The following SLC14A2 variants were observed in gnomAD, a reference collection of about 807,000 sequenced individuals.
SLC14A2 encodes the protein solute carrier family 14 member 2.
SLC14A2 carries 91 observed loss-of-function variants against 104.6 expected under a neutral mutation model. That is an observed-to-expected ratio of 0.87 (90% CI 0.73 to 1.04). The LOEUF is 1.04. Among genes scored for constraint, SLC14A2 ranks in the 50% least tolerant of loss-of-function variants. The pLI is 0.00. For synonymous variants in SLC14A2, 476 were observed against 466.4 expected (o/e 1.02, Z -0.27); for missense variants, 1,189 against 1,156.0 (o/e 1.03, Z -0.41).
chr18:45,364,815 C>T (rs1456230367), intron 1 of SLC14A2, among the ~76,000 whole-genome samples: 1 of 152,108 alleles, frequency 6.6e-6, no homozygotes, highest in Admixed American at 6.5e-5. Flanking sequence ...AATGGGTTCT[C>T]TTTTACAAGC....
intron 2 of SLC14A2, among the ~76,000 whole-genome samples, chr18:45,501,836 C>G (rs923299611): frequency 6.6e-6 from 1 of 152,200 alleles, no homozygotes; most frequent in African/African-American, 2.4e-5. Context: ...GAAAAAATCA[C>G]TCATGAAGGA....
At chr18:45,663,622 A>C (rs2045965639) in intron 10 of SLC14A2, among the ~76,000 whole-genome samples, 163 bp from the exon 11 acceptor site, 1 of 152,198 alleles carries the variant, frequency 6.6e-6, no homozygotes, top group Non-Finnish European at 1.5e-5. Flanking sequence ...GAAATAGAGA[A>C]GCTAAGTGTT....
intron 2 of SLC14A2, among the ~76,000 whole-genome samples, chr18:45,507,983 G>T (rs1000587982): frequency 4.6e-5 from 7 of 152,194 alleles, no homozygotes; most frequent in Non-Finnish European, 7.3e-5. Context: ...AGCCTGCCAG[G>T]TACCACTCCA....
chr18:45,583,213 A>T lies in SLC14A2; in HGVS notation c.-34-41418A>T, dbSNP rs571857816. On this transcript the variant is annotated intron_variant, in intron 2 of 20. Transcript: ENST00000586448. ...ACAGGATGCCCTATTCCTACCTCCC[A>T]GGCCATGGCAACTCCAAGCCACTTG... Among the ~76,000 whole-genome samples, 4 of 152,280 alleles carry T rather than the reference A, an allele frequency of 2.6e-5. No homozygotes were observed. In the South Asian group the frequency reaches 8.3e-4, roughly 32 times the overall value.
chr18:45,530,433 CTG>C (rs1012386172), intron 2 of SLC14A2, among the ~76,000 whole-genome samples: 2 of 152,082 alleles, frequency 1.3e-5, no homozygotes, highest in African/African-American at 4.8e-5. Context: ...CCTTGTATTT[CTG>C]TGTTTTTGTG....
At chr18:45,358,840 A>G (rs1258462695) in intron 1 of SLC14A2, among the ~76,000 whole-genome samples, 2 of 151,962 alleles carry the variant, frequency 1.3e-5, no homozygotes, top group Non-Finnish European at 2.9e-5. Context: ...TCTCCCACAA[A>G]GTGCTGGGAT....
At chr18:45,327,694 G>A (rs139788564) in intron 1 of SLC14A2, among the ~76,000 whole-genome samples, 94 of 152,282 alleles carry the variant, frequency 6.2e-4, no homozygotes, top group Non-Finnish European at 1.0e-3. Flanking sequence ...GTTCGTCTAC[G>A]TTGTAGCATG....
chr18:45,259,399 G>T (rs1267891496), intron 1 of SLC14A2, among the ~76,000 whole-genome samples: 2 of 152,198 alleles, frequency 1.3e-5, no homozygotes, highest in Non-Finnish European at 2.9e-5. Context: ...CTGGAAAAAT[G>T]AAAGGAGTTT....
chr18:45,225,250 TCCTTTC>T (rs1165298948), intron 1 of SLC14A2, among the ~76,000 whole-genome samples: 5 of 152,170 alleles, frequency 3.3e-5, no homozygotes, highest in African/African-American at 1.2e-4. Context: ...AAATAGGGAA[TCCTTTC>T]CCCATTTCTT....
intron 1 of SLC14A2, among the ~76,000 whole-genome samples, chr18:45,412,736 A>C (rs1481304171): frequency 2.6e-5 from 4 of 152,212 alleles, no homozygotes; most frequent in Non-Finnish European, 4.4e-5. Context: ...AGAATGCTGT[A>C]AGGCTGAGTC....
chr18:45,456,495 G>A (rs2705370), intron 1 of SLC14A2, among the ~76,000 whole-genome samples: 38,796 of 151,982 alleles, frequency 0.26, 5,221 homozygotes, highest in South Asian at 0.48. Flanking sequence ...TCCTCAGTAA[G>A]GTGGCTGCAT....
chr18:45,597,343 A>G (rs1173914214), intron 2 of SLC14A2, among the ~76,000 whole-genome samples: 1 of 152,058 alleles, frequency 6.6e-6, no homozygotes, highest in Non-Finnish European at 1.5e-5. Context: ...AAAAAGAAAG[A>G]AAGAAAGAAA....
At chr18:45,233,596 T>G (rs1319887792) in intron 1 of SLC14A2, among the ~76,000 whole-genome samples, 3 of 152,182 alleles carry the variant, frequency 2.0e-5, no homozygotes, top group African/African-American at 7.2e-5. Context: ...AAAAGTTAAG[T>G]TGCGATTGGA....
At chr18:45,503,837 A>AACCGTGTTCTCAT (rs1568246571) in intron 2 of SLC14A2, among the ~76,000 whole-genome samples, 48 of 10,858 alleles carry the variant, frequency 4.4e-3, no homozygotes, top group African/African-American at 7.6e-3. Flanking sequence ...GAATTATCAA[A>AACCGTGTTCTCAT]GATACCACTG....
chr18:45,488,584 C>A (rs888272884), intron 2 of SLC14A2, among the ~76,000 whole-genome samples: 3 of 152,200 alleles, frequency 2.0e-5, no homozygotes, highest in African/African-American at 7.2e-5. Flanking sequence ...AGCAGGTGGA[C>A]TACAGCTTTG....
intron 1 of SLC14A2, among the ~76,000 whole-genome samples, chr18:45,441,105 C>T (rs926915021): frequency 2.6e-5 from 4 of 152,176 alleles, no homozygotes; most frequent in South Asian, 2.1e-4. Flanking sequence ...TCCCTTCCCT[C>T]GGACAGCCAT....
At chr18:45,492,525 G>A (rs1844998549) in intron 2 of SLC14A2, among the ~76,000 whole-genome samples, 1 of 152,116 alleles carries the variant, frequency 6.6e-6, no homozygotes, top group East Asian at 1.9e-4. Flanking sequence ...AAACAGCATG[G>A]AAGAAACTGC....
At chr18:45,336,498 A>G (rs769381748) in intron 1 of SLC14A2, among the ~76,000 whole-genome samples, 1 of 152,092 alleles carries the variant, frequency 6.6e-6, no homozygotes, top group African/African-American at 2.4e-5. Context: ...AATATTCAGA[A>G]CCTAGAAATC....
intron 1 of SLC14A2, among the ~76,000 whole-genome samples, chr18:45,232,360 C>A (rs2084182981): frequency 6.6e-6 from 1 of 152,200 alleles, no homozygotes; most frequent in Non-Finnish European, 1.5e-5. Context: ...ATCATGAGAA[C>A]AATGAAGAGG....
Sources: allele counts gnomAD v4.1 joint callset (sites outside exome capture counted in the v4.1 genomes callset), GRCh38; gene constraint gnomAD v4.1.1; transcripts MANE v1.5; gene names NCBI Gene and HGNC (gene_info 2026-07-23, HGNC 2026-07-21).